The following ADAM7 variants were observed in gnomAD, a reference collection of about 807,000 sequenced individuals.
ADAM7 encodes the protein ADAM metallopeptidase domain 7, also known as disintegrin and metalloproteinase domain-containing protein 7.
A neutral mutation model predicts 102.9 loss-of-function variants in ADAM7; 97 were observed. The ratio of observed to expected loss-of-function variants is 0.94; its 90% CI spans 0.80 to 1.12. The LOEUF is 1.12. ADAM7 is among the 50% of genes most tolerant of loss of function. The pLI is 0.00. For missense variants in ADAM7, 991 were observed against 908.7 expected, an observed-to-expected ratio of 1.09 and a Z score of -1.16; for synonymous variants, 334 against 304.4, an observed-to-expected ratio of 1.10 and a Z score of -1.01.
intron 10 of ADAM7, 87 bp downstream of exon 10, chr8:24,485,448 G>A: frequency 8.3e-7 from 1 of 1,210,522 alleles, no homozygotes; most frequent in African/African-American, 1.5e-5. Context: ...GACTATGTAT[G>A]CATTTTGTCA....
chr8:24,442,137 A>ACTG (rs534420786), intron 1 of ADAM7, among the ~76,000 whole-genome samples: 3,179 of 152,306 alleles, frequency 0.021, 55 homozygotes, highest in Middle Eastern at 0.095. Flanking sequence ...TCACGCCACT[A>ACTG]CACTCCAGCC....
At chr8:24,458,195 C>A (rs534512055) in intron 3 of ADAM7, among the ~76,000 whole-genome samples, 3 of 152,070 alleles carry the variant, frequency 2.0e-5, no homozygotes, top group African/African-American at 4.8e-5. Flanking sequence ...CTTAGAGTCA[C>A]CCTGGCAATT....
chr8:24,463,984 T>C (rs754742522), intron 4 of ADAM7, 24 bp downstream of exon 4: 2 of 1,586,966 alleles, frequency 1.3e-6, no homozygotes, highest in Non-Finnish European at 1.7e-6. Flanking sequence ...CTTTACTGTG[T>C]CTCTTCTCTA....
Position 24,466,789 on chromosome 8 carries a change from A to C in ADAM7, c.390-10A>C, listed in dbSNP as rs762338867. On this transcript the variant is annotated splice_polypyrimidine_tract_variant and intron_variant, in intron 5 of 21. Transcript: ENST00000175238. ...GCCTTGAATACAAATTGTGTTCCCA[A>C]TTTCTACAGGGGATTCTTCAGAATA... 12 of 1,607,172 alleles carry C rather than the reference A, an allele frequency of 7.5e-6. No homozygotes were observed. Among genetic ancestry groups the C allele is most frequent in the Non-Finnish European group, 8.5e-6 (10 of 1,177,802 alleles).
intron 3 of ADAM7, among the ~76,000 whole-genome samples, chr8:24,459,279 G>A (rs1366908654): frequency 6.6e-6 from 1 of 151,400 alleles, no homozygotes; most frequent in Non-Finnish European, 1.5e-5. Flanking sequence ...CACTTAAGTT[G>A]CCCCCTTTTT....
At chr8:24,484,330 T>C (rs917774884) in intron 9 of ADAM7, among the ~76,000 whole-genome samples, 4 of 152,200 alleles carry the variant, frequency 2.6e-5, no homozygotes, top group African/African-American at 4.8e-5. Context: ...TTGAGTTCTA[T>C]TACATTCCAG....
intron 18 of ADAM7, 67 bp downstream of exon 18, chr8:24,500,323 T>C: frequency 7.0e-7 from 1 of 1,423,648 alleles, no homozygotes; most frequent in Non-Finnish European, 9.8e-7. Context: ...TTTTTCTTAT[T>C]TTTCAAGTCT....
chr8:24,476,423 A>G lies in ADAM7; in HGVS notation c.634-10A>G. ...ATTAATGAATATTAATATGATATTTATATTTCCAGTATCGCAGAAATGGTC... is the reference window on the plus strand; with the variant it reads ...ATTAATGAATATTAATATGATATTTGTATTTCCAGTATCGCAGAAATGGTC... On this transcript the variant is annotated splice_polypyrimidine_tract_variant and intron_variant, in intron 7 of 21. Transcript: ENST00000175238. 6.3e-7 allele frequency: 1 copy of G among 1,581,998 alleles called. No individual in the cohort carries two copies. The highest frequency in any genetic ancestry group is 1.7e-5 in the Admixed American group (1 of 59,484).
Position 24,508,847 on chromosome 8 carries a change from T to A in ADAM7, c.*301T>A, listed in dbSNP as rs1040094465. On this transcript the variant is annotated 3_prime_UTR_variant, in exon 22 of 22. Transcript: ENST00000175238. ...GCTGTAGTATTTTCCTACAAAATGT[T>A]ACTCTGCTTTCTTTTAAGAATCCAA... The A allele has an allele frequency of 8.3e-7, 1 of 1,203,006 alleles. No homozygotes were observed. The highest frequency in any genetic ancestry group is 1.0e-6 in the Non-Finnish European group (1 of 969,224). 74.5% of individuals were successfully genotyped at this position (1,203,006 alleles called of 1,614,324 possible). A position where few individuals can be genotyped will look rare whatever the true frequency, so the allele number is the denominator to read the frequency against.
At chr8:24,486,902 T>A (rs1820162617) in intron 10 of ADAM7, among the ~76,000 whole-genome samples, 1 of 152,206 alleles carries the variant, frequency 6.6e-6, no homozygotes, top group Admixed American at 6.6e-5. Context: ...TTTAACTATT[T>A]ATAAGAATGA....
chr8:24,481,150 A>T (rs556433708), intron 8 of ADAM7, among the ~76,000 whole-genome samples: 1 of 152,274 alleles, frequency 6.6e-6, no homozygotes, highest in South Asian at 2.1e-4. Context: ...GGTAGATTTG[A>T]AGTCAGAGTT....
intron 20 of ADAM7, 49 bp downstream of exon 20, chr8:24,501,625 A>G (rs1820763340): frequency 2.7e-6 from 3 of 1,123,282 alleles, no homozygotes; most frequent in Non-Finnish European, 3.8e-6. Context: ...TTTTTTTTTT[A>G]AGTAGCTGAA....
chr8:24,468,654 GTATCAA>G (rs1301736884), intron 6 of ADAM7, 107 bp from the exon 7 acceptor site: 1 of 851,684 alleles, frequency 1.2e-6, no homozygotes. Flanking sequence ...TCCCCATTTT[GTATCAA>G]TATCAACATT....
chr8:24,492,590 G>A lies in ADAM7; in HGVS notation c.1648G>A (p.Glu550Lys), dbSNP rs1820400948. ...CAAGGAAAACAGATTTCTTCCCTGT[G>A]AGGAGAAGTAAGTGCCCTGTGGAAA... ...KNKENRFLPC[E>K]EKDVRCGKIY... is the part of the protein sequence containing the mutation. Residue 550 changes from glutamate to lysine, a missense_variant, in exon 15 of 22, where the codon GAG (glutamate) becomes AAG (lysine). Glu to Lys is a moderately conservative substitution (Grantham distance 56, BLOSUM62 1). Coordinates refer to ENST00000175238, the MANE Select transcript of ADAM7 (RefSeq NM_003817.4). 1.9e-6 allele frequency: 3 copies of A among 1,611,248 alleles called. No individual in the cohort carries two copies. Among genetic ancestry groups the A allele is most frequent in the Admixed American group, 1.7e-5 (1 of 59,902 alleles).
At chr8:24,487,406 G>A in intron 11 of ADAM7, 89 bp downstream of exon 11, 1 of 1,457,810 alleles carries the variant, frequency 6.9e-7, no homozygotes, top group South Asian at 1.3e-5. Context: ...CAGCACTTTG[G>A]GAGGCCGAGG....
At position 24,493,172 on chromosome 8, in the gene ADAM7, C is replaced by T. The variant is rs751594077; in HGVS notation, c.1785C>T (p.Tyr595=). 1.2e-6 allele frequency: 2 copies of T among 1,613,070 alleles called. No individual in the cohort carries two copies. Among genetic ancestry groups the T allele is most frequent in the Non-Finnish European group, 1.7e-6 (2 of 1,179,494 alleles). ...ATVKCKTIFL[Y]HDSTDIGLVA... ...TCAAATGCAAAACTATTTTTTTATA[C>T]CATGATTCTACAGACATTGGCCTGG... Residue 595 remains tyrosine (Y), a synonymous_variant, in exon 16 of 22, where the codon TAC becomes TAT. Transcript: ENST00000175238.
intron 20 of ADAM7, among the ~76,000 whole-genome samples, chr8:24,502,545 C>A (rs1440956005): frequency 2.6e-5 from 4 of 151,876 alleles, no homozygotes; most frequent in African/African-American, 9.7e-5. Context: ...CATCAAGAAT[C>A]AGAAAGGCAA....
At chr8:24,500,301 C>T (rs1820713163) in intron 18 of ADAM7, 45 bp downstream of exon 18, 1 of 1,552,408 alleles carries the variant, frequency 6.4e-7, no homozygotes, top group Non-Finnish European at 8.8e-7. Context: ...AAAGCCTACC[C>T]AGCGAAAAAA....
chr8:24,469,479 A>T (rs1819535375), intron 7 of ADAM7, among the ~76,000 whole-genome samples: 1 of 152,226 alleles, frequency 6.6e-6, no homozygotes, highest in African/African-American at 2.4e-5. Context: ...CTTCAGATGC[A>T]GCACTGCCAA....
Sources: allele counts gnomAD v4.1 joint callset (sites outside exome capture counted in the v4.1 genomes callset), GRCh38; gene constraint gnomAD v4.1.1; transcripts MANE v1.5; gene names NCBI Gene and HGNC (gene_info 2026-07-23, HGNC 2026-07-21).